Variants in GSDMC observed in about 807,000 individuals in gnomAD.
The protein encoded by GSDMC is gasdermin-C.
Under a neutral mutation model 58.0 loss-of-function variants are expected in GSDMC, and 59 were observed. That is an observed-to-expected ratio of 1.02 (90% CI 0.82 to 1.26). The LOEUF is 1.26. GSDMC is among the 50% of genes most tolerant of loss of function. The probability of loss-of-function intolerance (pLI) is 0.00; values close to 1 mark genes in which losing one functional copy is unlikely to be tolerated. For missense variants in GSDMC, 659 were observed against 598.5 expected, an observed-to-expected ratio of 1.10 and a Z score of -1.06; for synonymous variants, 241 against 220.2, an observed-to-expected ratio of 1.09 and a Z score of -0.83.
chr8:129,748,998 T>A (rs1166858442), intron 13 of GSDMC, among the ~76,000 whole-genome samples: 1 of 152,182 alleles, frequency 6.6e-6, no homozygotes, highest in Non-Finnish European at 1.5e-5. Context: ...TATTTCTAAA[T>A]GTATATGCAT....
intron 7 of GSDMC, 117 bp from the exon 8 acceptor site, chr8:129,752,264 C>T (rs1490029041): frequency 6.2e-6 from 5 of 804,580 alleles, no homozygotes; most frequent in East Asian, 2.6e-5. Flanking sequence ...CCTTATTTCT[C>T]ACATGTTCCA....
chr8:129,775,524 A>C (rs1456455828), intron 3 of GSDMC, among the ~76,000 whole-genome samples: 7 of 152,208 alleles, frequency 4.6e-5, no homozygotes, highest in Non-Finnish European at 1.0e-4. Context: ...CACAAAAAAA[A>C]TGATAACTAG....
intron 2 of GSDMC, among the ~76,000 whole-genome samples, chr8:129,777,106 C>T (rs745551815): frequency 5.3e-5 from 8 of 152,084 alleles, no homozygotes; most frequent in Non-Finnish European, 7.4e-5. Flanking sequence ...ATTTTATAAC[C>T]TTCTATTTAC....
the GSDMC span, among the ~76,000 whole-genome samples, chr8:129,722,567 CTCTT>C: frequency 2.0e-5 from 3 of 152,162 alleles, no homozygotes; most frequent in Admixed American, 2.0e-4. Context: ...GAGTTTTTCT[CTCTT>C]TCTCATATGT....
the GSDMC span, among the ~76,000 whole-genome samples, chr8:129,732,952 C>T: frequency 6.6e-6 from 1 of 152,230 alleles, no homozygotes; most frequent in Non-Finnish European, 1.5e-5. Context: ...AGGACACTCT[C>T]TCCCAAATAC....
intron 3 of GSDMC, among the ~76,000 whole-genome samples, chr8:129,770,637 T>G (rs1330952293): frequency 6.6e-6 from 1 of 151,964 alleles, no homozygotes; most frequent in Non-Finnish European, 1.5e-5. Flanking sequence ...CTGTATTAGA[T>G]ATGCAAAAGA....
the GSDMC span, among the ~76,000 whole-genome samples, chr8:129,715,415 A>C: frequency 6.6e-6 from 1 of 152,196 alleles, no homozygotes; most frequent in African/African-American, 2.4e-5. Context: ...TCCCTAAATG[A>C]GAGTGATAGG....
intron 1 of GSDMC, among the ~76,000 whole-genome samples, chr8:129,781,621 T>G (rs1044371906): frequency 6.6e-6 from 1 of 152,054 alleles, no homozygotes; most frequent in African/African-American, 2.4e-5. Flanking sequence ...GGTGGGCACC[T>G]GTAGTCCCAG....
chr8:129,723,246 G>C, the GSDMC span, among the ~76,000 whole-genome samples: 1 of 151,644 alleles, frequency 6.6e-6, no homozygotes, highest in South Asian at 2.1e-4. Context: ...TTTTGTTTCT[G>C]TTTTTGTTTT....
intron 1 of GSDMC, among the ~76,000 whole-genome samples, chr8:129,785,303 C>T (rs2034525893): frequency 6.7e-6 from 1 of 149,986 alleles, no homozygotes; most frequent in African/African-American, 2.5e-5. Context: ...ACAAACTTTA[C>T]AATGTTCTCA....
At position 129,748,708 on chromosome 8, in the gene GSDMC, G is replaced by C. The variant is rs34385086; in HGVS notation, c.1320C>G (p.Tyr440Ter). ...TGAGGGTGAAGGGAATGCTCCAGGG[G>C]TATCTGAAGTTTGGCTCCAGGATGC... The part of the protein sequence containing the change: ...VRSILEPNFR[Y>*]PWSIPFTLKP... Residue 440 changes from tyrosine to a stop codon, truncating the protein, a stop_gained, in exon 14 of 14, where the codon TAC (tyrosine) becomes TAG (stop). Transcript: ENST00000276708. LOFTEE classifies it low-confidence loss of function (END_TRUNC). 8.4e-6 allele frequency: 13 copies of C among 1,552,576 alleles called. No homozygotes were observed. In the South Asian group the frequency reaches 1.1e-4, roughly 13 times the overall value.
At chr8:129,775,512 A>T (rs1049493930) in intron 3 of GSDMC, among the ~76,000 whole-genome samples, 1 of 151,728 alleles carries the variant, frequency 6.6e-6, no homozygotes, top group Non-Finnish European at 1.5e-5. Context: ...AAACGTTCTC[A>T]CCACAAAAAA....
chr8:129,729,459 C>A, the GSDMC span, among the ~76,000 whole-genome samples: 2 of 152,114 alleles, frequency 1.3e-5, no homozygotes, highest in African/African-American at 2.4e-5. Flanking sequence ...TTCCCTCCCC[C>A]CTTCTCCCAC....
the GSDMC span, among the ~76,000 whole-genome samples, chr8:129,720,471 G>A: frequency 2.6e-5 from 4 of 152,002 alleles, no homozygotes; most frequent in South Asian, 2.1e-4. Flanking sequence ...ACATATACAC[G>A]TTCACATCCA....
the GSDMC span, among the ~76,000 whole-genome samples, chr8:129,735,085 C>A: frequency 2.2e-4 from 34 of 152,308 alleles, no homozygotes; most frequent in African/African-American, 7.9e-4. Flanking sequence ...GTAAAGGGAT[C>A]AATTCAACAA....
Position 129,750,076 on chromosome 8 carries a change from G to T in GSDMC, c.1127C>A (p.Ala376Asp). 6.2e-7 allele frequency: 1 copy of T among 1,607,380 alleles called. No homozygotes were observed. The highest frequency in any genetic ancestry group is 8.5e-7 in the Non-Finnish European group (1 of 1,176,306). The part of the protein sequence containing the change: ...SSGHLDGPGG[A>D]ILKKLQQDSN... ...ATCCTGTTGAAGTTTCTTTAGGATG[G>T]CACCACCAGGGCCATCCAAATGACC... Residue 376 changes from alanine (A) to aspartate (D), a missense_variant, in exon 12 of 14, where the codon GCC (alanine) becomes GAC (aspartate). Transcript: ENST00000276708.
chr8:129,770,845 A>G (rs1586607144), intron 3 of GSDMC, among the ~76,000 whole-genome samples: 1 of 151,936 alleles, frequency 6.6e-6, no homozygotes, highest in Non-Finnish European at 1.5e-5. Context: ...AGTGGATAAT[A>G]TATATAAGAA....
chr8:129,751,738 C>T (rs2033200217), intron 9 of GSDMC, 124 bp downstream of exon 9: 1 of 1,177,916 alleles, frequency 8.5e-7, no homozygotes, highest in Non-Finnish European at 1.3e-6. Flanking sequence ...CTTCCCATTC[C>T]ACATGACCAA....
chr8:129,741,330 C>T, the GSDMC span, among the ~76,000 whole-genome samples: 5 of 151,932 alleles, frequency 3.3e-5, no homozygotes, highest in East Asian at 7.7e-4. Context: ...TATTCACAGT[C>T]TTTTCTGGTT....
Sources: gnomAD v4.1 joint callset for allele counts (sites outside exome capture counted in the v4.1 genomes callset) on GRCh38, gnomAD v4.1.1 for gene constraint, MANE v1.5 for transcripts, NCBI Gene and HGNC (gene_info 2026-07-23, HGNC 2026-07-21) for gene names.